The following FBXO4 variants were observed in gnomAD, a reference collection of about 807,000 sequenced individuals.
The protein encoded by FBXO4 is F-box only protein 4.
Under a neutral mutation model 43.7 loss-of-function variants are expected in FBXO4, and 36 were observed. That is an observed-to-expected ratio of 0.82 (90% CI 0.63 to 1.09). The LOEUF (loss-of-function observed/expected upper bound fraction) is 1.09. FBXO4 is among the 50% of genes least tolerant of loss of function. The pLI is 0.00. For synonymous variants in FBXO4, 180 were observed against 165.6 expected, an observed-to-expected ratio of 1.09 and a Z score of -0.67; for missense variants, 435 against 474.1, an observed-to-expected ratio of 0.92 and a Z score of 0.77.
At chr5:41,964,141 C>A in the FBXO4 span, among the ~76,000 whole-genome samples, 1 of 152,080 alleles carries the variant, frequency 6.6e-6, no homozygotes, top group Non-Finnish European at 1.5e-5. Context: ...ATGTAATTTT[C>A]AAATATATTT....
At chr5:41,971,307 A>C in the FBXO4 span, among the ~76,000 whole-genome samples, 1 of 151,738 alleles carries the variant, frequency 6.6e-6, no homozygotes, top group Middle Eastern at 3.2e-3. Flanking sequence ...ACTGATGGTA[A>C]TTAAATTGAT....
chr5:41,988,005 A>G, the FBXO4 span, among the ~76,000 whole-genome samples: 1 of 152,106 alleles, frequency 6.6e-6, no homozygotes, highest in Non-Finnish European at 1.5e-5. Flanking sequence ...TGGCTCTTCA[A>G]CTTGTGTTTT....
At chr5:41,928,317 C>A (rs1009776111) in intron 2 of FBXO4, among the ~76,000 whole-genome samples, 8 of 151,812 alleles carry the variant, frequency 5.3e-5, no homozygotes, top group African/African-American at 1.9e-4. Context: ...TTTTTACAAC[C>A]CTGAGTTATT....
At chr5:41,976,664 A>G in the FBXO4 span, among the ~76,000 whole-genome samples, 1 of 152,190 alleles carries the variant, frequency 6.6e-6, no homozygotes, top group African/African-American at 2.4e-5. Flanking sequence ...GTGGCTTTGC[A>G]GGGTGAAGCC....
At chr5:42,005,956 T>G in the FBXO4 span, among the ~76,000 whole-genome samples, 7 of 152,084 alleles carry the variant, frequency 4.6e-5, no homozygotes, top group Non-Finnish European at 1.0e-4. Flanking sequence ...GACCTAACAT[T>G]TACTGATGAA....
chr5:41,999,859 T>C, the FBXO4 span, among the ~76,000 whole-genome samples: 38 of 152,030 alleles, frequency 2.5e-4, no homozygotes, highest in Non-Finnish European at 3.4e-4. Context: ...CTGACTCAAA[T>C]GTTAATCTCC....
chr5:41,974,156 T>A, the FBXO4 span, among the ~76,000 whole-genome samples: 1 of 152,206 alleles, frequency 6.6e-6, no homozygotes, highest in Non-Finnish European at 1.5e-5. Flanking sequence ...TGTCTTTTGC[T>A]TTCAGCAGTT....
chr5:41,964,893 T>C, the FBXO4 span, among the ~76,000 whole-genome samples: 1 of 152,182 alleles, frequency 6.6e-6, no homozygotes, highest in Non-Finnish European at 1.5e-5. Context: ...TTTAACTAGA[T>C]CCCATTTGTC....
chr5:41,984,660 G>A, the FBXO4 span, among the ~76,000 whole-genome samples: 4 of 152,156 alleles, frequency 2.6e-5, no homozygotes, highest in Non-Finnish European at 5.9e-5. Flanking sequence ...AGGAGTGTAT[G>A]AAGATAAGCC....
chr5:41,978,276 G>GA, the FBXO4 span, among the ~76,000 whole-genome samples: 1 of 151,984 alleles, frequency 6.6e-6, no homozygotes, highest in Non-Finnish European at 1.5e-5. Flanking sequence ...CTACCCCTGT[G>GA]AAAAAAACAT....
rs373697325 is a variant in FBXO4 at position 41,936,398 on chromosome 5, G to A, written c.898+2090G>A. ...GAATACCAAAAATTAGCCAGGCATG[G>A]TGGCACGTGCCTGTAGTCGCAACTA... On this transcript the variant is annotated intron_variant, in intron 5 of 6. Coordinates refer to ENST00000281623, the MANE Select transcript of FBXO4 (RefSeq NM_012176.3). Among the ~76,000 whole-genome samples the A allele has an allele frequency of 4.0e-3, 608 of 152,206 alleles. 8 individuals carry two copies. Among genetic ancestry groups the A allele is most frequent in the African/African-American group, 0.014 (590 of 41,544 alleles).
At chr5:41,974,776 T>C in the FBXO4 span, among the ~76,000 whole-genome samples, 2 of 152,338 alleles carry the variant, frequency 1.3e-5, no homozygotes, top group African/African-American at 4.8e-5. Context: ...TGGTGATTGC[T>C]TTTTTGCTTG....
chr5:41,925,552 G>A, intron 1 of FBXO4, 54 bp downstream of exon 1: 1 of 1,261,704 alleles, frequency 7.9e-7, no homozygotes, highest in East Asian at 3.2e-5. Flanking sequence ...GGGCCGGAGG[G>A]ACCTCCCCTG....
chr5:42,002,438 C>A, the FBXO4 span, among the ~76,000 whole-genome samples: 3 of 152,184 alleles, frequency 2.0e-5, no homozygotes, highest in Non-Finnish European at 2.9e-5. Flanking sequence ...CTTGAAGACT[C>A]AATCATATAC....
At chr5:41,941,997 A>C (rs1289272719), downstream of FBXO4, among the ~76,000 whole-genome samples, 1 of 152,130 alleles carries the variant, frequency 6.6e-6, no homozygotes, top group Non-Finnish European at 1.5e-5. Context: ...TATACTCGGC[A>C]GAAGAAACAC....
the FBXO4 span, among the ~76,000 whole-genome samples, chr5:42,031,024 T>A: frequency 8.5e-5 from 13 of 152,166 alleles, no homozygotes; most frequent in African/African-American, 3.1e-4. Context: ...TGTAAACTAG[T>A]TCAACCATTG....
chr5:41,957,416 C>T, the FBXO4 span, among the ~76,000 whole-genome samples: 9 of 147,564 alleles, frequency 6.1e-5, no homozygotes, highest in African/African-American at 2.2e-4. Flanking sequence ...TTATATTATA[C>T]TTATATAATA....
At chr5:41,957,890 C>A in the FBXO4 span, among the ~76,000 whole-genome samples, 6 of 152,086 alleles carry the variant, frequency 3.9e-5, no homozygotes, top group Admixed American at 2.0e-4. Flanking sequence ...CTTTTTCAGA[C>A]AACTAACGTG....
At chr5:42,029,987 C>T in the FBXO4 span, among the ~76,000 whole-genome samples, 1 of 152,014 alleles carries the variant, frequency 6.6e-6, no homozygotes, top group Non-Finnish European at 1.5e-5. Flanking sequence ...ACATTCCATG[C>T]TCATGGGTGG....
Sources: gnomAD v4.1 joint callset for allele counts (sites outside exome capture counted in the v4.1 genomes callset) on GRCh38, gnomAD v4.1.1 for gene constraint, MANE v1.5 for transcripts, NCBI Gene and HGNC (gene_info 2026-07-23, HGNC 2026-07-21) for gene names.